UNC13C: variants seen among roughly 807,000 people sequenced by gnomAD.
UNC13C encodes unc-13 homolog C, also known as protein unc-13 homolog C.
Under a neutral mutation model 245.4 loss-of-function variants are expected in UNC13C, and 174 were observed. That is an observed-to-expected ratio of 0.71 (90% CI 0.63 to 0.80). UNC13C has a LOEUF of 0.80. Ranked by LOEUF, UNC13C falls within the 30% of genes least tolerant of loss-of-function variation. UNC13C has a pLI of 0.00. For missense variants in UNC13C, 2,829 were observed against 2,602.9 expected (o/e 1.09, Z -1.89); for synonymous variants, 992 against 895.1 (o/e 1.11, Z -1.93).
chr15:54,100,846 C>T (rs926522297), intron 2 of UNC13C, among the ~76,000 whole-genome samples: 1 of 152,016 alleles, frequency 6.6e-6, no homozygotes, highest in African/African-American at 2.4e-5. Flanking sequence ...CTTCTCCCTG[C>T]TTCATTCTTG....
At chr15:54,282,999 C>T (rs1454180669) in intron 10 of UNC13C, among the ~76,000 whole-genome samples, 1 of 152,022 alleles carries the variant, frequency 6.6e-6, no homozygotes, top group Non-Finnish European at 1.5e-5. Context: ...AGACCTCACT[C>T]AAAGGTGGAC....
the UNC13C span, among the ~76,000 whole-genome samples, chr15:53,965,479 C>T: frequency 6.6e-6 from 1 of 151,592 alleles, no homozygotes; most frequent in Non-Finnish European, 1.5e-5. Flanking sequence ...AATCAGAATC[C>T]AAATAATATT....
chr15:54,299,327 C>T (rs887512481), intron 12 of UNC13C, among the ~76,000 whole-genome samples: 6 of 152,096 alleles, frequency 3.9e-5, no homozygotes, highest in African/African-American at 1.2e-4. Flanking sequence ...AATTTTATTT[C>T]GTTACAAAAT....
intron 4 of UNC13C, among the ~76,000 whole-genome samples, chr15:54,179,132 C>T (rs1369551352): frequency 3.3e-5 from 5 of 152,062 alleles, no homozygotes; most frequent in Non-Finnish European, 7.4e-5. Flanking sequence ...GTGATTAACA[C>T]CCCTCACATG....
chr15:54,293,984 A>G lies in UNC13C; in HGVS notation c.3908A>G (p.Lys1303Arg). 1.9e-6 allele frequency: 3 copies of G among 1,598,022 alleles called. No homozygotes were observed. Among genetic ancestry groups the G allele is most frequent in the Non-Finnish European group, 2.6e-6 (3 of 1,172,892 alleles). The change falls in exon 11 of 33, where the codon AAG (lysine) becomes AGG (arginine). Residue 1303 changes from lysine (K) to arginine (R), a missense_variant. By Grantham distance (26) the Lys-to-Arg change is conservative. Coordinates refer to ENST00000260323, the MANE Select transcript of UNC13C (RefSeq NM_001080534.3). ...IKSRVKQHFKKESDDFLGQTI... is the reference protein window; with the variant it reads ...IKSRVKQHFKRESDDFLGQTI... ...TCCAGAGTCAAGCAACATTTCAAAA[A>G]GGAGTCAGATGATTTTCTGGGACAA...
intron 4 of UNC13C, among the ~76,000 whole-genome samples, chr15:54,179,443 C>T (rs895516523): frequency 5.9e-5 from 9 of 151,876 alleles, no homozygotes; most frequent in Non-Finnish European, 1.3e-4. Flanking sequence ...AGTTGAAATA[C>T]GTGAAACAGG....
downstream of UNC13C, chr15:54,632,180 A>G (rs1328663202): frequency 2.0e-5 from 3 of 152,118 alleles, no homozygotes; most frequent in Admixed American, 1.3e-4. Context: ...TTATTTAATG[A>G]GTTGTTTATT....
intron 2 of UNC13C, among the ~76,000 whole-genome samples, chr15:54,140,930 C>A (rs150734883): frequency 7.7e-4 from 117 of 152,176 alleles, no homozygotes; most frequent in African/African-American, 2.6e-3. Context: ...GGTTCACTGG[C>A]CATAAATATG....
chr15:54,237,770 C>T, intron 7 of UNC13C, 80 bp downstream of exon 7: 1 of 1,191,318 alleles, frequency 8.4e-7, no homozygotes, highest in South Asian at 1.3e-5. Flanking sequence ...GCTTGAGCTA[C>T]TCATCTGTGA....
intron 10 of UNC13C, among the ~76,000 whole-genome samples, chr15:54,281,927 T>A (rs1223636564): frequency 6.6e-6 from 1 of 152,206 alleles, no homozygotes; most frequent in Admixed American, 6.5e-5. Flanking sequence ...TCATTTTAAG[T>A]GTGCATCTGG....
At chr15:54,113,097 C>A (rs1234092651) in intron 2 of UNC13C, among the ~76,000 whole-genome samples, 1 of 143,984 alleles carries the variant, frequency 6.9e-6, no homozygotes, top group East Asian at 2.0e-4. Context: ...TTTTTTTTTT[C>A]CACCTCTCCT....
chr15:53,850,732 T>C, the UNC13C span, among the ~76,000 whole-genome samples: 1 of 152,130 alleles, frequency 6.6e-6, no homozygotes, highest in African/African-American at 2.4e-5. Context: ...TCCATCAAAT[T>C]TGGATAAATA....
chr15:54,040,666 T>C (rs73416926), intron 2 of UNC13C, among the ~76,000 whole-genome samples: 3,004 of 152,278 alleles, frequency 0.02, 118 homozygotes, highest in African/African-American at 0.07. Context: ...TGGCTTAGGA[T>C]GCTCTTTGGC....
chr15:54,436,620 A>G (rs1358488693), intron 19 of UNC13C, among the ~76,000 whole-genome samples: 2 of 151,984 alleles, frequency 1.3e-5, no homozygotes, highest in Non-Finnish European at 2.9e-5. Flanking sequence ...CAATGAGATC[A>G]CATGGACACA....
chr15:54,109,862 A>T (rs979879260), intron 2 of UNC13C, among the ~76,000 whole-genome samples: 2 of 151,958 alleles, frequency 1.3e-5, no homozygotes, highest in Admixed American at 6.6e-5. Flanking sequence ...CTCTGTGACA[A>T]CCTTTTCTCC....
intron 30 of UNC13C, among the ~76,000 whole-genome samples, chr15:54,576,692 C>G (rs898861765): frequency 1.3e-5 from 2 of 152,176 alleles, no homozygotes; most frequent in African/African-American, 4.8e-5. Context: ...CTGCATTGCT[C>G]TGTCCTCCCT....
chr15:54,486,669 C>T (rs1428589147), intron 19 of UNC13C, among the ~76,000 whole-genome samples: 1 of 152,152 alleles, frequency 6.6e-6, no homozygotes, highest in Non-Finnish European at 1.5e-5. Flanking sequence ...AATGATTTGT[C>T]AATTAATGCC....
At chr15:53,980,123 G>A (rs1385376703) in intron 1 of UNC13C, among the ~76,000 whole-genome samples, 3 of 151,990 alleles carry the variant, frequency 2.0e-5, no homozygotes, top group Non-Finnish European at 2.9e-5. Flanking sequence ...GAGGTAAGTG[G>A]GCTTTAAATT....
At chr15:54,548,536 T>C (rs928502968) in intron 27 of UNC13C, among the ~76,000 whole-genome samples, 1 of 152,126 alleles carries the variant, frequency 6.6e-6, no homozygotes, top group African/African-American at 2.4e-5. Context: ...ATGGTTTTGA[T>C]TGTTCTTCAA....
Sources: gnomAD v4.1 joint callset for allele counts (sites outside exome capture counted in the v4.1 genomes callset) on GRCh38, gnomAD v4.1.1 for gene constraint, MANE v1.5 for transcripts, NCBI Gene and HGNC (gene_info 2026-07-23, HGNC 2026-07-21) for gene names.